PALS2: variants seen among roughly 807,000 people sequenced by gnomAD.
PALS2 encodes the protein protein associated with LIN7 2, MAGUK p55 family member.
PALS2 carries 27 observed loss-of-function variants against 61.6 expected under a neutral mutation model. The ratio of observed to expected loss-of-function variants is 0.44; its 90% CI spans 0.32 to 0.60. The LOEUF is 0.60. Among genes scored for constraint, PALS2 ranks in the 20% least tolerant of loss-of-function variants. PALS2 has a pLI of 0.05. For synonymous variants in PALS2, 236 were observed against 218.6 expected, an observed-to-expected ratio of 1.08 and a Z score of -0.70; for missense variants, 554 against 639.4, an observed-to-expected ratio of 0.87 and a Z score of 1.44.
At chr7:24,622,492 C>T (rs1784560198) in intron 1 of PALS2, among the ~76,000 whole-genome samples, 1 of 151,806 alleles carries the variant, frequency 6.6e-6, no homozygotes. Flanking sequence ...TATAGAAATA[C>T]ACTATGTGTA....
intron 2 of PALS2, among the ~76,000 whole-genome samples, chr7:24,632,672 C>A (rs1785050284): frequency 6.6e-6 from 1 of 152,150 alleles, no homozygotes; most frequent in African/African-American, 2.4e-5. Flanking sequence ...CAGGTGTGAG[C>A]CACCGCATCC....
At chr7:24,604,141 T>C (rs1378048597) in intron 1 of PALS2, among the ~76,000 whole-genome samples, 1 of 150,648 alleles carries the variant, frequency 6.6e-6, no homozygotes, top group African/African-American at 2.4e-5. Flanking sequence ...AGCCCGGTAG[T>C]TCAAGACTAT....
chr7:24,661,339 A>T (rs963406633), intron 5 of PALS2, among the ~76,000 whole-genome samples: 12 of 151,716 alleles, frequency 7.9e-5, no homozygotes, highest in Admixed American at 3.3e-4. Flanking sequence ...ATGAAAAAAA[A>T]AAAATAAATT....
At chr7:24,649,473 C>T (rs193146331) in intron 3 of PALS2, 139 bp from the exon 4 acceptor site, 9,018 of 480,562 alleles carry the variant, frequency 0.019, 119 homozygotes, top group Middle Eastern at 0.039. Flanking sequence ...ATTTGATCAA[C>T]CTGATATTTG....
intron 9 of PALS2, among the ~76,000 whole-genome samples, chr7:24,676,601 C>T (rs1416026567): frequency 6.6e-6 from 1 of 151,986 alleles, no homozygotes; most frequent in Non-Finnish European, 1.5e-5. Flanking sequence ...TATGGCTAGC[C>T]AGTGGTCCCA....
rs70942815 is a variant in PALS2 at position 24,622,683 on chromosome 7, C to CTTTT, written c.-2-972_-2-969dup. ...ATGCCTTTTCTTTATTTTCTTTTTT[C>CTTTT]TTTTTTTTTTTTTTGCTTAACAGCC... On this transcript the variant is annotated intron_variant, in intron 1 of 11. Transcript: ENST00000222644. Among the ~76,000 whole-genome samples, 455 of 135,684 alleles carry CTTTT rather than the reference C, an allele frequency of 3.4e-3. 2 individuals are homozygous for CTTTT. Among genetic ancestry groups the CTTTT allele is most frequent in the African/African-American group, 0.012 (429 of 37,210 alleles). The allele number at this position is 135,684 out of a possible 152,430, so 89.0% of individuals were successfully genotyped here. A position where few individuals can be genotyped will look rare whatever the true frequency, so the allele number is the denominator to read the frequency against.
At chr7:24,656,720 A>G (rs534788255) in intron 5 of PALS2, among the ~76,000 whole-genome samples, 6 of 151,730 alleles carry the variant, frequency 4.0e-5, no homozygotes, top group Non-Finnish European at 5.9e-5. Flanking sequence ...TTTTGTAGAG[A>G]CAGGGTTTCG....
chr7:24,670,274 A>G (rs138381962), intron 9 of PALS2, among the ~76,000 whole-genome samples: 3 of 150,330 alleles, frequency 2.0e-5, no homozygotes, highest in East Asian at 1.9e-4. Flanking sequence ...TTATATATAT[A>G]TGTGTATACA....
At chr7:24,637,839 G>A (rs1404524768) in intron 2 of PALS2, among the ~76,000 whole-genome samples, 1 of 152,104 alleles carries the variant, frequency 6.6e-6, no homozygotes, top group Non-Finnish European at 1.5e-5. Context: ...AAGAAGGCTA[G>A]GCCATATTTG....
Position 24,679,253 on chromosome 7 carries a change from A to G in PALS2, c.1237A>G (p.Asn413Asp). 6.2e-7 allele frequency: 1 copy of G among 1,614,068 alleles called. No individual in the cohort carries two copies. The highest frequency in any genetic ancestry group is 8.5e-7 in the Non-Finnish European group (1 of 1,179,930). The change falls in exon 10 of 12, where the codon AAT becomes GAT. Residue 413 changes from asparagine to aspartate, a missense_variant. Asn to Asp is a conservative substitution (Grantham distance 23). Transcript: ENST00000222644. Reference sequence around the variant, plus strand: ...TTTGGAACATGGGGAATATGAAGGAAATCTCTATGGAACCAAAATTGATTC... The same window carrying G: ...TTTGGAACATGGGGAATATGAAGGAGATCTCTATGGAACCAAAATTGATTC... ...KYLEHGEYEG[N>D]LYGTKIDSIL... is the part of the protein sequence containing the mutation.
chr7:24,653,683 T>TA (rs1292156065), intron 5 of PALS2, among the ~76,000 whole-genome samples: 6 of 152,134 alleles, frequency 3.9e-5, no homozygotes, highest in South Asian at 2.1e-4. Context: ...AAACAGATGA[T>TA]AAAAAAAATC....
At chr7:24,611,682 T>A (rs1784117865) in intron 1 of PALS2, among the ~76,000 whole-genome samples, 1 of 152,032 alleles carries the variant, frequency 6.6e-6, no homozygotes, top group African/African-American at 2.4e-5. Context: ...GAAGTTATCC[T>A]AATTAGGGCA....
At chr7:24,607,587 ACATATATG>A (rs1289019910) in intron 1 of PALS2, among the ~76,000 whole-genome samples, 1 of 82,466 alleles carries the variant, frequency 1.2e-5, no homozygotes, top group Non-Finnish European at 2.1e-5. Context: ...GTGTATATAT[ACATATATG>A]TGTGTGTATA....
intron 1 of PALS2, among the ~76,000 whole-genome samples, chr7:24,601,487 G>T (rs1431037334): frequency 6.6e-6 from 1 of 152,092 alleles, no homozygotes; most frequent in African/African-American, 2.4e-5. Context: ...ATTTTCTGAA[G>T]CTGGTGTACA....
intron 1 of PALS2, among the ~76,000 whole-genome samples, chr7:24,607,205 T>C (rs939857391): frequency 6.6e-6 from 1 of 152,156 alleles, no homozygotes; most frequent in African/African-American, 2.4e-5. Context: ...GAGATTATAA[T>C]TCAGAATTTA....
intron 11 of PALS2, among the ~76,000 whole-genome samples, chr7:24,682,752 C>CCTTCCCTCT (rs1362494921): frequency 1.4e-4 from 22 of 152,226 alleles, no homozygotes; most frequent in African/African-American, 5.1e-4. Flanking sequence ...TGCCACCCTC[C>CCTTCCCTCT]CTTCCCTCTC....
chr7:24,576,056 C>G (rs1782632231), intron 1 of PALS2, among the ~76,000 whole-genome samples: 3 of 151,858 alleles, frequency 2.0e-5, no homozygotes, highest in Admixed American at 6.6e-5. Context: ...GAACACTTAC[C>G]CATTTGATAA....
chr7:24,588,682 A>G (rs1446193130), intron 1 of PALS2, among the ~76,000 whole-genome samples: 1 of 152,216 alleles, frequency 6.6e-6, no homozygotes, highest in Non-Finnish European at 1.5e-5. Flanking sequence ...AAAGATTGCC[A>G]TACGTATAAC....
intron 2 of PALS2, among the ~76,000 whole-genome samples, chr7:24,632,119 A>C (rs1356980338): frequency 6.6e-6 from 1 of 152,150 alleles, no homozygotes; most frequent in African/African-American, 2.4e-5. Context: ...CCCATATTTT[A>C]ATGCTCTTTT....
Sources: gnomAD v4.1 joint callset for allele counts (sites outside exome capture counted in the v4.1 genomes callset) on GRCh38, gnomAD v4.1.1 for gene constraint, MANE v1.5 for transcripts, NCBI Gene and HGNC (gene_info 2026-07-23, HGNC 2026-07-21) for gene names.